The following MDFIC2 variants were observed in gnomAD, a reference collection of about 807,000 sequenced individuals.
MDFIC2 encodes myoD family inhibitor domain-containing protein 2.
chr3:70,285,327 G>A (rs200205448), intron 2 of MDFIC2, among the ~76,000 whole-genome samples: 6,157 of 150,986 alleles, frequency 0.041, 190 homozygotes, highest in South Asian at 0.078. Context: ...TTGTTCTTGC[G>A]ATAGTTTACT....
At chr3:70,277,908 C>T (rs551618831) in intron 2 of MDFIC2, among the ~76,000 whole-genome samples, 1 of 152,120 alleles carries the variant, frequency 6.6e-6, no homozygotes, top group East Asian at 1.9e-4. Flanking sequence ...TGATTGAGAC[C>T]CTACTGGCCA....
Position 70,267,693 on chromosome 3 carries a change from G to A in MDFIC2, c.88+44193C>T, listed in dbSNP as rs1701932898. Among the ~76,000 whole-genome samples the A allele has an allele frequency of 3.3e-5, 5 of 151,420 alleles. No individual in the cohort carries two copies. In the South Asian group the frequency reaches 1.0e-3, roughly 31 times the overall value. Reference sequence around the variant, plus strand: ...GGCCTCCCAGAGTGCTGGGATTACAGGCGAGAGCCACCCCGCCCAGCCTAA... The same window carrying A: ...GGCCTCCCAGAGTGCTGGGATTACAAGCGAGAGCCACCCCGCCCAGCCTAA... On this transcript the variant is annotated intron_variant, in intron 2 of 3. Transcript: ENST00000567252.
At chr3:70,289,776 T>C (rs1702211863) in intron 2 of MDFIC2, among the ~76,000 whole-genome samples, 3 of 152,250 alleles carry the variant, frequency 2.0e-5, no homozygotes, top group Admixed American at 6.5e-5. Context: ...TTCTTTTTTC[T>C]CTAAACTTTC....
At chr3:70,247,369 G>A (rs372829220) in intron 2 of MDFIC2, among the ~76,000 whole-genome samples, 1 of 151,980 alleles carries the variant, frequency 6.6e-6, no homozygotes, top group African/African-American at 2.4e-5. Context: ...TTAATGCGGA[G>A]AGAGTTAGTG....
chr3:70,261,424 C>T (rs1701866260), intron 2 of MDFIC2, among the ~76,000 whole-genome samples: 1 of 152,192 alleles, frequency 6.6e-6, no homozygotes. Context: ...GTATCAGCTG[C>T]AGCCATCTAG....
At chr3:70,263,387 C>T (rs1227055503) in intron 2 of MDFIC2, among the ~76,000 whole-genome samples, 1 of 152,062 alleles carries the variant, frequency 6.6e-6, no homozygotes, top group Non-Finnish European at 1.5e-5. Flanking sequence ...TAGGGTAGGT[C>T]TATAGGAATA....
intron 2 of MDFIC2, among the ~76,000 whole-genome samples, chr3:70,273,707 G>A (rs1184813746): frequency 6.6e-6 from 1 of 152,234 alleles, no homozygotes; most frequent in South Asian, 2.1e-4. Context: ...CCACTGGCAG[G>A]CATTACTAAT....
At chr3:70,215,935 A>C (rs1209831250) in intron 2 of MDFIC2, among the ~76,000 whole-genome samples, 1 of 152,086 alleles carries the variant, frequency 6.6e-6, no homozygotes, top group Non-Finnish European at 1.5e-5. Flanking sequence ...AAAGTCTATA[A>C]ATTTCTGTCT....
chr3:70,299,672 G>A (rs1381767828), intron 2 of MDFIC2, among the ~76,000 whole-genome samples: 8 of 152,046 alleles, frequency 5.3e-5, no homozygotes, highest in African/African-American at 1.4e-4. Flanking sequence ...ATTTGTGGAT[G>A]CAACAAGCTT....
At chr3:70,243,179 A>G (rs959088142) in intron 2 of MDFIC2, among the ~76,000 whole-genome samples, 6 of 152,144 alleles carry the variant, frequency 3.9e-5, no homozygotes, top group South Asian at 2.1e-4. Flanking sequence ...TCTTTGGCTC[A>G]TGAACATCTT....
At chr3:70,252,011 C>A in intron 2 of MDFIC2, among the ~76,000 whole-genome samples, 1 of 152,160 alleles carries the variant, frequency 6.6e-6, no homozygotes, top group East Asian at 1.9e-4. Flanking sequence ...GAAGGCAAAA[C>A]AAGTGCCTTC....
At chr3:70,226,386 C>T (rs1035645479) in intron 2 of MDFIC2, among the ~76,000 whole-genome samples, 2 of 152,122 alleles carry the variant, frequency 1.3e-5, no homozygotes, top group Non-Finnish European at 2.9e-5. Context: ...ATTTCCTATT[C>T]TGTTGGGTAT....
chr3:70,284,067 G>A (rs942739424), intron 2 of MDFIC2, among the ~76,000 whole-genome samples: 2 of 152,052 alleles, frequency 1.3e-5, no homozygotes, highest in Non-Finnish European at 2.9e-5. Context: ...AATGAACTTG[G>A]TTTTAAACCT....
At chr3:70,231,772 C>T (rs1701561935) in intron 2 of MDFIC2, among the ~76,000 whole-genome samples, 1 of 152,130 alleles carries the variant, frequency 6.6e-6, no homozygotes, top group South Asian at 2.1e-4. Context: ...ACGACTGCCC[C>T]CTTGCCCCTA....
intron 2 of MDFIC2, among the ~76,000 whole-genome samples, chr3:70,260,497 C>T (rs1177290176): frequency 6.6e-6 from 1 of 152,058 alleles, no homozygotes; most frequent in Non-Finnish European, 1.5e-5. Context: ...GCCCCATTCC[C>T]TATCATCTTC....
intron 2 of MDFIC2, among the ~76,000 whole-genome samples, chr3:70,290,667 C>G (rs1202222818): frequency 6.6e-6 from 1 of 152,098 alleles, no homozygotes; most frequent in East Asian, 1.9e-4. Flanking sequence ...GCCTCGCTGC[C>G]GCCTTGCAGT....
chr3:70,286,038 G>C (rs1458498306), intron 2 of MDFIC2, among the ~76,000 whole-genome samples: 12 of 152,004 alleles, frequency 7.9e-5, no homozygotes, highest in African/African-American at 2.9e-4. Flanking sequence ...AGTTTCTTTT[G>C]CTGTGCAGAA....
chr3:70,273,413 A>G (rs1701993692), intron 2 of MDFIC2, among the ~76,000 whole-genome samples: 1 of 152,188 alleles, frequency 6.6e-6, no homozygotes, highest in African/African-American at 2.4e-5. Flanking sequence ...TCAGGATGAG[A>G]TCACAGAATT....
intron 2 of MDFIC2, among the ~76,000 whole-genome samples, chr3:70,297,053 G>A (rs1235222137): frequency 6.6e-6 from 1 of 151,942 alleles, no homozygotes; most frequent in East Asian, 1.9e-4. Flanking sequence ...GCTGATTGAT[G>A]AATTAAGGAA....
Sources: gnomAD v4.1 joint callset for allele counts (sites outside exome capture counted in the v4.1 genomes callset) on GRCh38, gnomAD v4.1.1 for gene constraint, MANE v1.5 for transcripts, NCBI Gene and HGNC (gene_info 2026-07-23, HGNC 2026-07-21) for gene names.